The following INPP4A variants were observed in gnomAD, a reference collection of about 807,000 sequenced individuals.
INPP4A encodes inositol polyphosphate-4-phosphatase type I A.
INPP4A carries 33 observed loss-of-function variants against 119.8 expected under a neutral mutation model. That is an observed-to-expected ratio of 0.28 (90% CI 0.21 to 0.37). The LOEUF (loss-of-function observed/expected upper bound fraction) is 0.37. INPP4A is among the 10% of genes least tolerant of loss of function. The pLI is 1.00. For synonymous variants in INPP4A, 496 were observed against 500.7 expected, an observed-to-expected ratio of 0.99 and a Z score of 0.12; for missense variants, 956 against 1,289.9, an observed-to-expected ratio of 0.74 and a Z score of 3.97.
At chr2:98,528,605 A>G (rs566600000) in intron 4 of INPP4A, among the ~76,000 whole-genome samples, 2 of 152,358 alleles carry the variant, frequency 1.3e-5, no homozygotes, top group African/African-American at 4.8e-5. Context: ...CACTTGATAC[A>G]TCATACTCAA....
chr2:98,508,855 TTGTC>T (rs113471624), intron 1 of INPP4A, among the ~76,000 whole-genome samples: 2,341 of 152,224 alleles, frequency 0.015, 67 homozygotes, highest in African/African-American at 0.054. Context: ...CCTGTTGTCT[TTGTC>T]TGTGGTATTG....
At chr2:98,564,233 T>C (rs1011064462) in intron 18 of INPP4A, among the ~76,000 whole-genome samples, 1 of 152,190 alleles carries the variant, frequency 6.6e-6, no homozygotes, top group African/African-American at 2.4e-5. Flanking sequence ...TGGGGAAACT[T>C]TGAGTGACCA....
At chr2:98,511,395 G>A (rs187172975) in intron 1 of INPP4A, among the ~76,000 whole-genome samples, 10 of 152,278 alleles carry the variant, frequency 6.6e-5, no homozygotes, top group Admixed American at 3.3e-4. Flanking sequence ...CCCTAGCAGC[G>A]TTGGATGGAT....
Position 98,495,937 on chromosome 2 carries a change from A to G in INPP4A, c.-165-23027A>G, listed in dbSNP as rs572476215. ...CAGCTTTGCAGGGCTACTTCATAGTATGTCAAATAAATATATTTTGGAGTA... is the reference window on the plus strand; with the variant it reads ...CAGCTTTGCAGGGCTACTTCATAGTGTGTCAAATAAATATATTTTGGAGTA... On this transcript the variant is annotated intron_variant, in intron 1 of 24. Coordinates refer to ENST00000409851, the MANE Select transcript of INPP4A (RefSeq NM_001134225.2). 4.7e-4 allele frequency among the ~76,000 whole-genome samples: 72 copies of G among 152,350 alleles called. 1 individual carries two copies. In the South Asian group the frequency reaches 0.014, roughly 30 times the overall value.
At chr2:98,534,233 AT>A (rs1689782005) in intron 5 of INPP4A, among the ~76,000 whole-genome samples, 1 of 152,250 alleles carries the variant, frequency 6.6e-6, no homozygotes, top group African/African-American at 2.4e-5. Context: ...CACATCTAGC[AT>A]AGTGCCAGGC....
chr2:98,559,901 A>G (rs1165378278), intron 17 of INPP4A, among the ~76,000 whole-genome samples: 1 of 152,240 alleles, frequency 6.6e-6, no homozygotes, highest in Non-Finnish European at 1.5e-5. Flanking sequence ...CTTTGCATGT[A>G]GAAACCAATG....
At chr2:98,468,173 C>A (rs1272018720) in intron 1 of INPP4A, among the ~76,000 whole-genome samples, 1 of 152,176 alleles carries the variant, frequency 6.6e-6, no homozygotes, top group African/African-American at 2.4e-5. Flanking sequence ...TGAGGTTTTA[C>A]AGTAAGAAAG....
chr2:98,459,198 C>T (rs910648390), intron 1 of INPP4A, among the ~76,000 whole-genome samples: 2 of 152,228 alleles, frequency 1.3e-5, no homozygotes, highest in East Asian at 3.9e-4. Context: ...TAGACCTCGG[C>T]CAGGGGCTTG....
chr2:98,574,435 C>T (rs111914537), intron 23 of INPP4A, among the ~76,000 whole-genome samples: 1 of 151,914 alleles, frequency 6.6e-6, no homozygotes, highest in Non-Finnish European at 1.5e-5. Context: ...GTCAGGAGTT[C>T]GAGACCAGCC....
At position 98,577,137 on chromosome 2, in the gene INPP4A, T is replaced by C; in HGVS notation, c.2780T>C (p.Met927Thr). Residue 927 changes from methionine to threonine, a missense_variant, in exon 24 of 25, where the codon ATG becomes ACG. Physicochemically the swap from Met to Thr is moderately conservative, Grantham distance 81. Transcript: ENST00000409851. The part of the protein sequence containing the change: ...PQVFTQALEC[M>T]RSEGCRRENT... ...GTCTTCACCCAGGCCCTGGAGTGCA[T>C]GCGCAGGTGAGTGCCGCAGCCAGGC... The C allele has an allele frequency of 3.7e-6, 6 of 1,607,476 alleles. No homozygotes were observed. The highest frequency in any genetic ancestry group is 4.5e-5 in the East Asian group (2 of 44,586).
rs372566616 is a variant in INPP4A, at chr2:98,539,713, C to A, written c.818+38C>A. 3.2e-6 allele frequency: 5 copies of A among 1,577,954 alleles called. No homozygotes were observed. In the Admixed American group the frequency reaches 9.2e-5, roughly 29 times the overall value. Reference sequence around the variant, plus strand: ...GGAAGGACTGACTGTCCATCATACCCATGTCATGTGCCCCTTCCTTTCTGA... The same window carrying A: ...GGAAGGACTGACTGTCCATCATACCAATGTCATGTGCCCCTTCCTTTCTGA... On this transcript the variant is annotated intron_variant, in intron 10 of 24. Transcript: ENST00000409851.
At chr2:98,533,322 A>G (rs1689604699) in intron 4 of INPP4A, 55 bp from the exon 5 acceptor site, 1 of 1,136,212 alleles carries the variant, frequency 8.8e-7, no homozygotes. Flanking sequence ...GGAACAGAAA[A>G]CTAATCAGAG....
chr2:98,472,502 C>T (rs113380236), intron 1 of INPP4A, among the ~76,000 whole-genome samples: 2,359 of 152,346 alleles, frequency 0.015, 69 homozygotes, highest in African/African-American at 0.054. Flanking sequence ...AGGAACCAGG[C>T]TGGTGGTGCA....
At chr2:98,483,535 G>GA (rs35237899) in intron 1 of INPP4A, among the ~76,000 whole-genome samples, 1 of 152,142 alleles carries the variant, frequency 6.6e-6, no homozygotes, top group South Asian at 2.1e-4. Context: ...CTGCATGTGG[G>GA]ATCTGTCGCC....
At chr2:98,534,212 A>T (rs1418258292) in intron 5 of INPP4A, among the ~76,000 whole-genome samples, 1 of 152,242 alleles carries the variant, frequency 6.6e-6, no homozygotes, top group Non-Finnish European at 1.5e-5. Flanking sequence ...GCAGTTGTCG[A>T]GTGCTACCTA....
intron 1 of INPP4A, among the ~76,000 whole-genome samples, chr2:98,467,203 C>T (rs760009059): frequency 5.9e-5 from 9 of 152,068 alleles, no homozygotes; most frequent in Non-Finnish European, 7.4e-5. Flanking sequence ...TGAGAACTCA[C>T]GCACCCTCAA....
chr2:98,554,467 T>G lies in INPP4A; in HGVS notation c.1544T>G (p.Val515Gly). Residue 515 changes from valine (V) to glycine (G), a missense_variant, in exon 15 of 25, where the codon GTG becomes GGG. Physicochemically the swap from Val to Gly is moderately radical, Grantham distance 109. Coordinates refer to ENST00000409851, the MANE Select transcript of INPP4A (RefSeq NM_001134225.2). This position sits in a 1 kb window ranked among gnomAD's most constrained non-coding sequence, Gnocchi z 4.7. ...TGRNSRSSLQVDWHEEEWEKV... is the reference protein window; with the variant it reads ...TGRNSRSSLQGDWHEEEWEKV... ...AGAAACAGCCGATCTTCCCTGCAGG[T>G]GGACTGGCACGAGGAGGAGTGGGTG... 2 of 1,613,722 alleles carry G rather than the reference T, an allele frequency of 1.2e-6. No homozygotes were observed. Among genetic ancestry groups the G allele is most frequent in the Non-Finnish European group, 1.7e-6 (2 of 1,179,824 alleles).
intron 10 of INPP4A, among the ~76,000 whole-genome samples, chr2:98,542,556 T>C (rs571504566): frequency 6.6e-6 from 1 of 152,340 alleles, no homozygotes; most frequent in African/African-American, 2.4e-5. Flanking sequence ...GTGTAAAGTG[T>C]TCTCTTCATT....
intron 24 of INPP4A, among the ~76,000 whole-genome samples, chr2:98,583,737 C>G (rs980132548): frequency 2.2e-4 from 33 of 152,280 alleles, no homozygotes; most frequent in Non-Finnish European, 3.8e-4. Flanking sequence ...ACCCAGTCGA[C>G]CACAAAAGGC....
Sources: gnomAD v4.1 joint callset for allele counts (sites outside exome capture counted in the v4.1 genomes callset) on GRCh38, gnomAD v4.1.1 for gene constraint, Gnocchi (gnomAD v3.1) non-coding constraint, MANE v1.5 for transcripts, NCBI Gene and HGNC (gene_info 2026-07-23, HGNC 2026-07-21) for gene names.